Variants in PRKN observed in about 807,000 individuals in gnomAD.
The protein encoded by PRKN is parkin RBR E3 ubiquitin protein ligase.
A neutral mutation model predicts 59.5 loss-of-function variants in PRKN; 56 were observed. The ratio of observed to expected loss-of-function variants is 0.94; its 90% CI spans 0.76 to 1.18. The LOEUF (loss-of-function observed/expected upper bound fraction) is 1.18, where lower values mean the gene tolerates loss of function less well. Among genes scored for constraint, PRKN ranks in the 50% most tolerant of loss-of-function variants. The probability of loss-of-function intolerance (pLI) is 0.00; values close to 1 mark genes in which losing one functional copy is unlikely to be tolerated. For synonymous variants in PRKN, 250 were observed against 222.1 expected (o/e 1.13, Z -1.12); for missense variants, 657 against 596.4 (o/e 1.10, Z -1.06).
chr6:161,760,716 TAAGGAA>T (rs1241653147), intron 7 of PRKN, among the ~76,000 whole-genome samples: 2 of 152,234 alleles, frequency 1.3e-5, no homozygotes, highest in Admixed American at 6.5e-5. Context: ...ATGGCTGAAC[TAAGGAA>T]AAGTCCTGCA....
At chr6:162,101,541 G>A (rs1006296587) in intron 4 of PRKN, among the ~76,000 whole-genome samples, 2 of 151,790 alleles carry the variant, frequency 1.3e-5, no homozygotes, top group Admixed American at 6.6e-5. Flanking sequence ...GCGTGGTGGC[G>A]GGCGCCTGCA....
chr6:161,415,605 CCCG>C (rs1434307895), intron 9 of PRKN, among the ~76,000 whole-genome samples: 1 of 89,098 alleles, frequency 1.1e-5, no homozygotes, highest in African/African-American at 3.7e-5. Flanking sequence ...CCCCCCCCCC[CCCG>C]ACCCCCCGCC....
intron 3 of PRKN, among the ~76,000 whole-genome samples, chr6:162,250,218 T>C (rs1329157651): frequency 6.6e-6 from 1 of 151,802 alleles, no homozygotes; most frequent in African/African-American, 2.4e-5. Context: ...TGTAAAAAAA[T>C]AGCCACAACT....
intron 6 of PRKN, among the ~76,000 whole-genome samples, chr6:161,836,072 TC>T (rs1792740838): frequency 6.6e-6 from 1 of 152,162 alleles, no homozygotes; most frequent in South Asian, 2.1e-4. Flanking sequence ...CTAAATAGCT[TC>T]CTTTCTGAAG....
At chr6:162,033,485 C>A (rs1437380585) in intron 5 of PRKN, among the ~76,000 whole-genome samples, 1 of 152,038 alleles carries the variant, frequency 6.6e-6, no homozygotes, top group East Asian at 1.9e-4. Flanking sequence ...AACTAATATG[C>A]TTCTTTTTTT....
intron 4 of PRKN, among the ~76,000 whole-genome samples, chr6:162,147,784 G>A (rs1414477104): frequency 2.0e-5 from 3 of 151,974 alleles, no homozygotes; most frequent in East Asian, 1.9e-4. Flanking sequence ...TGAACATCTC[G>A]TATACAGCTA....
rs548556449 is a variant in PRKN, at chr6:161,803,103, A to G, written c.735-17195T>C. On this transcript the variant is annotated intron_variant, in intron 6 of 11. Transcript: ENST00000366898. ...ACTTATAGCAGAGTGAATTCTGCAC[A>G]AACAGCCCTCATTAGGGTATGTATG... Among the ~76,000 whole-genome samples, 4 of 152,308 alleles carry G rather than the reference A, an allele frequency of 2.6e-5. No individual in the cohort carries two copies. The East Asian group carries it at 7.7e-4, about 29-fold the overall frequency.
At chr6:162,602,151 G>A (rs111721397) in intron 1 of PRKN, among the ~76,000 whole-genome samples, 10 of 152,302 alleles carry the variant, frequency 6.6e-5, no homozygotes, top group South Asian at 2.1e-4. Context: ...GCACCTCCGC[G>A]TAGTCCCAAA....
At chr6:162,342,686 G>A (rs1041218921) in intron 2 of PRKN, among the ~76,000 whole-genome samples, 19 of 152,116 alleles carry the variant, frequency 1.2e-4, no homozygotes, top group African/African-American at 4.6e-4. Context: ...GCAGATTTAA[G>A]GCACGGCTTC....
chr6:162,155,403 C>G (rs75816567), intron 4 of PRKN, among the ~76,000 whole-genome samples: 1 of 152,146 alleles, frequency 6.6e-6, no homozygotes, highest in African/African-American at 2.4e-5. Flanking sequence ...CCTATCTACT[C>G]TCATCAGAGA....
rs143101236 is a variant in PRKN, at chr6:161,890,994, C to G, written c.734+82308G>C. ...TATCGTCAGAGTTTCTCAATCCATTCTCAAGATACCCCGAGGGAGATTTCA... is the reference window on the plus strand; with the variant it reads ...TATCGTCAGAGTTTCTCAATCCATTGTCAAGATACCCCGAGGGAGATTTCA... On this transcript the variant is annotated intron_variant, in intron 6 of 11. Transcript: ENST00000366898. 6.1e-3 allele frequency among the ~76,000 whole-genome samples: 934 copies of G among 152,268 alleles called. 7 individuals carry two copies. Among genetic ancestry groups the G allele is most frequent in the Middle Eastern group, 0.017 (5 of 294 alleles).
chr6:162,698,022 T>C (rs1778027328), intron 1 of PRKN, among the ~76,000 whole-genome samples: 2 of 152,192 alleles, frequency 1.3e-5, no homozygotes, highest in African/African-American at 4.8e-5. Flanking sequence ...AAACAGCAAT[T>C]AGAGGAGACT....
chr6:162,193,125 A>T (rs1389057248), intron 4 of PRKN, among the ~76,000 whole-genome samples: 3 of 152,252 alleles, frequency 2.0e-5, no homozygotes, highest in African/African-American at 7.2e-5. Context: ...GAAAATAAAT[A>T]GCTGGATTGA....
chr6:162,617,586 AG>A (rs1782482980), intron 1 of PRKN, among the ~76,000 whole-genome samples: 4 of 24,358 alleles, frequency 1.6e-4, no homozygotes, highest in Non-Finnish European at 3.1e-4. Context: ...CCTTCTGTCT[AG>A]CTAGCTAGAA....
At chr6:161,990,120 G>C (rs1562441775) in intron 5 of PRKN, among the ~76,000 whole-genome samples, 1 of 152,126 alleles carries the variant, frequency 6.6e-6, no homozygotes, top group East Asian at 1.9e-4. Flanking sequence ...CACATAAGCA[G>C]ACTATCTGGA....
chr6:162,176,929 CTT>C (rs5881458), intron 4 of PRKN, among the ~76,000 whole-genome samples: 15 of 145,694 alleles, frequency 1.0e-4, no homozygotes, highest in African/African-American at 2.8e-4. Flanking sequence ...AATGAAATTC[CTT>C]TTTTTTTTTT....
intron 3 of PRKN, among the ~76,000 whole-genome samples, chr6:162,226,057 A>G (rs960926925): frequency 6.6e-5 from 9 of 137,146 alleles, no homozygotes; most frequent in East Asian, 4.7e-4. Flanking sequence ...GAAGGCATCA[A>G]TAAGTTTAAT....
At chr6:162,149,985 T>A (rs952668952) in intron 4 of PRKN, among the ~76,000 whole-genome samples, 9 of 152,146 alleles carry the variant, frequency 5.9e-5, no homozygotes, top group Non-Finnish European at 4.4e-5. Flanking sequence ...TTCCTGCATT[T>A]TGTCACAGGC....
At chr6:162,454,835 A>T (rs1196367078) in intron 1 of PRKN, among the ~76,000 whole-genome samples, 2 of 152,218 alleles carry the variant, frequency 1.3e-5, no homozygotes, top group African/African-American at 4.8e-5. Context: ...CAGGGTGTTA[A>T]AGGAGCATGC....
Sources: allele counts gnomAD v4.1 joint callset (sites outside exome capture counted in the v4.1 genomes callset), GRCh38; gene constraint gnomAD v4.1.1; transcripts MANE v1.5; gene names NCBI Gene and HGNC (gene_info 2026-07-23, HGNC 2026-07-21).